The following CFAP20DC variants were observed in gnomAD, a reference collection of about 807,000 sequenced individuals.
The protein encoded by CFAP20DC is CFAP20 domain containing.
Under a neutral mutation model 101.7 loss-of-function variants are expected in CFAP20DC, and 84 were observed. The ratio of observed to expected loss-of-function variants is 0.83; its 90% CI spans 0.69 to 0.99. CFAP20DC has a LOEUF of 0.99. Ranked by LOEUF, CFAP20DC falls within the 50% of genes least tolerant of loss-of-function variation. CFAP20DC has a pLI of 0.00. For synonymous variants in CFAP20DC, 359 were observed against 351.2 expected, an observed-to-expected ratio of 1.02 and a Z score of -0.25; for missense variants, 1,007 against 970.3, an observed-to-expected ratio of 1.04 and a Z score of -0.50.
chr3:58,913,605 A>C lies in CFAP20DC; in HGVS notation c.550+103T>G, dbSNP rs749501421. 8.8e-7 allele frequency: 1 copy of C among 1,142,856 alleles called. No individual in the cohort carries two copies. The highest frequency in any genetic ancestry group is 1.5e-5 in the African/African-American group (1 of 65,370). The allele number at this position is 1,142,856 out of a possible 1,614,324, so 70.8% of individuals were successfully genotyped here. On this transcript the variant is annotated intron_variant, in intron 6 of 16. Coordinates refer to ENST00000482387, the MANE Select transcript of CFAP20DC (RefSeq NM_001394063.1). The surrounding 1 kb of genome is among the most constrained non-coding windows in gnomAD (Gnocchi z 4.4). ...TGTTGACAAATTTACTTTAGCAGAC[A>C]TAACATCAAACTGCTACCACACACT...
At chr3:59,021,449 A>G (rs1420510649) in intron 4 of CFAP20DC, among the ~76,000 whole-genome samples, 2 of 152,086 alleles carry the variant, frequency 1.3e-5, no homozygotes, top group Admixed American at 1.3e-4. Context: ...TCAAGTGTCT[A>G]TAATTAAAGA....
At chr3:58,926,792 A>G (rs1487881649) in intron 5 of CFAP20DC, among the ~76,000 whole-genome samples, 1 of 152,232 alleles carries the variant, frequency 6.6e-6, no homozygotes, top group African/African-American at 2.4e-5. Flanking sequence ...AATGACAAAC[A>G]CTGGGTATCT....
In CFAP20DC at chr3:58,788,647, T is replaced by C. The variant is rs1448639410; in HGVS notation, c.2237+17748A>G. ...AGTGGAAAACACTTTGACAATCCAA[T>C]GTGGAACTGTATATTAGACACACAT... On this transcript the variant is annotated intron_variant, in intron 15 of 16. Transcript: ENST00000482387. The surrounding 1 kb of genome is among the most constrained non-coding windows in gnomAD (Gnocchi z 4.2). 6.6e-6 allele frequency among the ~76,000 whole-genome samples: 1 copy of C among 151,914 alleles called. No individual in the cohort carries two copies. The highest frequency in any genetic ancestry group is 1.5e-5 in the Non-Finnish European group (1 of 67,982).
chr3:59,039,708 G>T (rs6446005), intron 3 of CFAP20DC, 79 bp from the exon 4 acceptor site: 1 of 809,800 alleles, frequency 1.2e-6, no homozygotes, highest in South Asian at 1.8e-5. Flanking sequence ...CACAAACCAC[G>T]AACAAGCTGA....
intron 15 of CFAP20DC, among the ~76,000 whole-genome samples, chr3:58,775,087 C>T (rs1001837782): frequency 1.4e-4 from 21 of 152,120 alleles, no homozygotes; most frequent in Non-Finnish European, 2.8e-4. Flanking sequence ...GAAGTCCTGA[C>T]GACGTGTGTC....
chr3:58,880,273 G>T (rs922581783), intron 7 of CFAP20DC, among the ~76,000 whole-genome samples: 1 of 152,146 alleles, frequency 6.6e-6, no homozygotes, highest in African/African-American at 2.4e-5. Flanking sequence ...TATATCATAT[G>T]TAGGTAACTA....
Position 58,912,243 on chromosome 3 carries a change from TTA to T in CFAP20DC, c.550+1463_550+1464del, listed in dbSNP as rs2084227576. ...CATTTATTTTAAAATATTAATCAGGTTATGATTCACCTCCTATGATCTGATGT... is the reference window on the plus strand; with the variant it reads ...CATTTATTTTAAAATATTAATCAGGTTGATTCACCTCCTATGATCTGATGT... On this transcript the variant is annotated intron_variant, in intron 6 of 16. Transcript: ENST00000482387. This position sits in a 1 kb window ranked among gnomAD's most constrained non-coding sequence, Gnocchi z 4.4. Among the ~76,000 whole-genome samples the T allele has an allele frequency of 6.6e-6, 1 of 152,138 alleles. No individual in the cohort carries two copies.
At chr3:58,750,816 A>T (rs1216722306) in intron 16 of CFAP20DC, among the ~76,000 whole-genome samples, 1 of 152,216 alleles carries the variant, frequency 6.6e-6, no homozygotes, top group Non-Finnish European at 1.5e-5. Context: ...AATCCATATG[A>T]GATTTCACTT....
At chr3:58,767,296 TAC>T (rs2070409609) in intron 15 of CFAP20DC, among the ~76,000 whole-genome samples, 1 of 152,132 alleles carries the variant, frequency 6.6e-6, no homozygotes, top group Admixed American at 6.6e-5. Context: ...GTATTCAATA[TAC>T]ACACACAGGT....
rs2084411451 is a variant in CFAP20DC at position 58,913,911 on chromosome 3, A to G, written c.394-47T>C. The stretch of plus-strand genomic sequence containing the variant: ...AAGAGTAAGGACCTTTCATCAACAC[A>G]TAAATGAACAAACCATCTATATGTA... On this transcript the variant is annotated intron_variant, in intron 5 of 16. Coordinates refer to ENST00000482387, the MANE Select transcript of CFAP20DC (RefSeq NM_001394063.1). The surrounding 1 kb of genome is among the most constrained non-coding windows in gnomAD (Gnocchi z 4.4). 1.3e-6 allele frequency: 2 copies of G among 1,589,100 alleles called. No individual in the cohort carries two copies. The highest frequency in any genetic ancestry group is 1.7e-6 in the Non-Finnish European group (2 of 1,160,112).
intron 4 of CFAP20DC, chr3:59,019,099 ATTAACT>A (rs1187890988): frequency 6.6e-6 from 1 of 152,150 alleles, no homozygotes; most frequent in African/African-American, 2.4e-5. Context: ...TTTTTAAAAA[ATTAACT>A]TTAGATTGCA....
chr3:58,747,313 C>T (rs1013583265), intron 16 of CFAP20DC, among the ~76,000 whole-genome samples: 1 of 152,304 alleles, frequency 6.6e-6, no homozygotes, highest in South Asian at 2.1e-4. Context: ...TGCAGCAATA[C>T]GGGCTGCCCT....
At position 58,785,264 on chromosome 3, in the gene CFAP20DC, T is replaced by C. The variant is rs114103232; in HGVS notation, c.2237+21131A>G. ...TGGAGGTAGAGAGTAGAATGATAGA[T>C]ACCGGAGGCTGGGAAGGCTGTGTGG... On this transcript the variant is annotated intron_variant, in intron 15 of 16. Coordinates refer to ENST00000482387, the MANE Select transcript of CFAP20DC (RefSeq NM_001394063.1). Among the ~76,000 whole-genome samples the C allele has an allele frequency of 2.9e-3, 435 of 152,142 alleles. 4 individuals are homozygous for C. Among genetic ancestry groups the C allele is most frequent in the African/African-American group, 0.01 (420 of 41,548 alleles).
chr3:58,723,470 C>G (rs1221047401), intron 3 of CFAP20DC, among the ~76,000 whole-genome samples: 1 of 152,228 alleles, frequency 6.6e-6, no homozygotes, highest in Non-Finnish European at 1.5e-5. Context: ...TATATTCTCT[C>G]TTTACAAGAA....
intron 6 of CFAP20DC, among the ~76,000 whole-genome samples, chr3:58,891,208 C>T (rs1177535527): frequency 2.6e-4 from 39 of 151,970 alleles, no homozygotes; most frequent in African/African-American, 7.2e-4. Flanking sequence ...GGATCACTCG[C>T]GGTTAGGGGC....
intron 4 of CFAP20DC, among the ~76,000 whole-genome samples, chr3:58,987,377 G>A (rs1161916872): frequency 6.6e-6 from 1 of 151,900 alleles, no homozygotes; most frequent in African/African-American, 2.4e-5. Context: ...TAAATGTATA[G>A]CCTTAAATTG....
Position 58,912,449 on chromosome 3 carries a change from A to G in CFAP20DC, c.550+1259T>C. On this transcript the variant is annotated intron_variant, in intron 6 of 16. Coordinates refer to ENST00000482387, the MANE Select transcript of CFAP20DC (RefSeq NM_001394063.1). This position sits in a 1 kb window ranked among gnomAD's most constrained non-coding sequence, Gnocchi z 4.4. ...ATACACTGCTGTGCTTTATTATCAA[A>G]TGAAATTTATAGGCACAGTGTCCTG... 1 of 235,696 alleles carries G rather than the reference A, an allele frequency of 4.2e-6. No homozygotes were observed. The highest frequency in any genetic ancestry group is 8.5e-6 in the Non-Finnish European group (1 of 117,676). The allele number at this position is 235,696 out of a possible 1,614,324, so 14.6% of individuals were successfully genotyped here.
At chr3:58,907,249 A>C (rs920784646) in intron 6 of CFAP20DC, among the ~76,000 whole-genome samples, 1 of 152,082 alleles carries the variant, frequency 6.6e-6, no homozygotes, top group African/African-American at 2.4e-5. Context: ...TGGTAGTCAA[A>C]TTTTTCTTAA....
intron 13 of CFAP20DC, among the ~76,000 whole-genome samples, chr3:58,833,109 T>C (rs2108068543): frequency 6.6e-6 from 1 of 152,286 alleles, no homozygotes; most frequent in African/African-American, 2.4e-5. Flanking sequence ...TTGAAAAAAA[T>C]TCTTGGAGTT....
Sources: gnomAD v4.1 joint callset for allele counts (sites outside exome capture counted in the v4.1 genomes callset) on GRCh38, gnomAD v4.1.1 for gene constraint, Gnocchi (gnomAD v3.1) non-coding constraint, MANE v1.5 for transcripts, NCBI Gene and HGNC (gene_info 2026-07-23, HGNC 2026-07-21) for gene names.